Variants in NTRK1 observed in about 807,000 individuals in gnomAD.
NTRK1 encodes high affinity nerve growth factor receptor.
Under a neutral mutation model 86.8 loss-of-function variants are expected in NTRK1, and 62 were observed. The ratio of observed to expected loss-of-function variants is 0.71; its 90% CI spans 0.58 to 0.88. The LOEUF is 0.88. NTRK1 is among the 40% of genes least tolerant of loss of function. The pLI is 0.00. For synonymous variants in NTRK1, 469 were observed against 456.6 expected, an observed-to-expected ratio of 1.03 and a Z score of -0.35; for missense variants, 967 against 1,078.4, an observed-to-expected ratio of 0.90 and a Z score of 1.45.
intron 6 of NTRK1, among the ~76,000 whole-genome samples, chr1:156,870,016 G>A (rs1305420479): frequency 3.9e-5 from 6 of 152,206 alleles, no homozygotes; most frequent in African/African-American, 1.4e-4. Flanking sequence ...TGCCACTGGG[G>A]CGCTGAGCAG....
intron 1 of NTRK1, among the ~76,000 whole-genome samples, chr1:156,817,727 C>T (rs528907191): frequency 4.6e-5 from 7 of 151,140 alleles, no homozygotes; most frequent in Admixed American, 2.6e-4. Context: ...ACTGCAACTT[C>T]CGCCTCCCAG....
chr1:156,867,981 A>G (rs1388148466), intron 4 of NTRK1, 123 bp from the exon 5 acceptor site: 1 of 1,091,602 alleles, frequency 9.2e-7, no homozygotes, highest in African/African-American at 1.5e-5. Flanking sequence ...TCAGAGAGAA[A>G]GACCTCTGTG....
rs139555558 is a variant in NTRK1, at chr1:156,842,095, C to A, written c.-49C>A. ...CTACTTTTCAGGCCGCCCTCATCTG[C>A]CTGGCACCCTCTGTACCCCCGATCT... On this transcript the variant is annotated 5_prime_UTR_variant, in exon 2 of 17. Coordinates refer to the NTRK1 transcript ENST00000392302. The A allele has an allele frequency of 2.5e-6, 4 of 1,613,782 alleles. No homozygotes were observed. In the Admixed American group the frequency reaches 6.7e-5, roughly 27 times the overall value.
intron 3 of NTRK1, 29 bp from the exon 4 acceptor site, chr1:156,866,881 T>G (rs1287325397): frequency 2.5e-6 from 4 of 1,612,592 alleles, no homozygotes; most frequent in Admixed American, 1.7e-5. Flanking sequence ...ACTCAAGGGG[T>G]CTGTCTTGCT....
At chr1:156,844,515 A>G (rs1654916807) in intron 2 of NTRK1, 2 of 1,614,062 alleles carry the variant, frequency 1.2e-6, no homozygotes, top group African/African-American at 2.7e-5. Context: ...ATTGCCAGCC[A>G]GTGAGGTTGC....
At chr1:156,876,716 C>A in intron 14 of NTRK1, 144 bp downstream of exon 14, 1 of 1,019,454 alleles carries the variant, frequency 9.8e-7, no homozygotes, top group Non-Finnish European at 1.5e-6. Context: ...CCCCAGGGAG[C>A]TCTGAGATGG....
At chr1:156,851,334 A>G in intron 2 of NTRK1, 1 of 1,614,206 alleles carries the variant, frequency 6.2e-7, no homozygotes, top group South Asian at 1.1e-5. Flanking sequence ...GGTTCTTGAA[A>G]AAGCCCAGGG....
At chr1:156,841,792 A>C (rs1321225924) in intron 1 of NTRK1, 1 of 1,613,988 alleles carries the variant, frequency 6.2e-7, no homozygotes, top group African/African-American at 1.3e-5. Flanking sequence ...GTCATCCCGA[A>C]GTCTGGAAAG....
At chr1:156,878,260 C>T (rs1648040072) in intron 14 of NTRK1, among the ~76,000 whole-genome samples, 1 of 152,192 alleles carries the variant, frequency 6.6e-6, no homozygotes. Flanking sequence ...GACACACAAA[C>T]TCTACCCCTC....
At chr1:156,864,501 C>T in intron 2 of NTRK1, 73 bp downstream of exon 2, 1 of 1,504,488 alleles carries the variant, frequency 6.6e-7, no homozygotes, top group Non-Finnish European at 9.2e-7. Flanking sequence ...AGGGAGGGCT[C>T]AAGCATCCGA....
chr1:156,848,394 T>A (rs562187522), intron 2 of NTRK1, among the ~76,000 whole-genome samples: 1 of 152,350 alleles, frequency 6.6e-6, no homozygotes, highest in East Asian at 1.9e-4. Flanking sequence ...TCCTTTTGAT[T>A]CCTAACCGTG....
intron 1 of NTRK1, among the ~76,000 whole-genome samples, chr1:156,831,135 G>A (rs543029945): frequency 6.6e-6 from 1 of 152,322 alleles, no homozygotes; most frequent in East Asian, 1.9e-4. Flanking sequence ...TCAAGAGAGT[G>A]CAGTCTGGGG....
chr1:156,856,874 C>G (rs1197631720), upstream of NTRK1, among the ~76,000 whole-genome samples: 1 of 152,174 alleles, frequency 6.6e-6, no homozygotes, highest in Admixed American at 6.5e-5. Flanking sequence ...CCTGGACTCT[C>G]TTGCTCCCAA....
chr1:156,881,611 C>A lies in NTRK1; in HGVS notation c.2360C>A (p.Ala787Glu), dbSNP rs761207548. ...GCCCGGCTGCAAGCCCTGGCCCAGG[C>A]ACCTCCTGTCTACCTGGATGTCCTG... ...VHARLQALAQ[A>E]PPVYLDVLG The change falls in exon 17 of 17, where the codon GCA (alanine) becomes GAA (glutamate). Residue 787 changes from alanine (A) to glutamate (E), a missense_variant. Ala to Glu is a moderately radical substitution (Grantham distance 107, BLOSUM62 -1). Coordinates refer to ENST00000524377, the MANE Select transcript of NTRK1 (RefSeq NM_002529.4). 1 of 1,610,214 alleles carries A rather than the reference C, an allele frequency of 6.2e-7. No individual in the cohort carries two copies. Among genetic ancestry groups the A allele is most frequent in the Non-Finnish European group, 8.5e-7 (1 of 1,178,728 alleles).
rs769291949 is a variant in NTRK1, at chr1:156,880,073, G to C, written c.2121G>C (p.Glu707Asp). 9.3e-6 allele frequency: 15 copies of C among 1,613,564 alleles called. No homozygotes were observed. Among genetic ancestry groups the C allele is most frequent in the Middle Eastern group, 1.6e-4 (1 of 6,084 alleles). ...ESILYRKFTT[E>D]SDVWSFGVVL... ...TCCTGTACCGTAAGTTCACCACCGA[G>C]AGCGACGTGTGGAGCTTCGGCGTGG... is the stretch of plus-strand genomic sequence containing the variant. The change falls in exon 16 of 17, where the codon GAG becomes GAC. Residue 707 changes from glutamate (E) to aspartate (D), a missense_variant. By Grantham distance (45) the Glu-to-Asp change is conservative (BLOSUM62 2). This residue lies in a region of NTRK1 where 637 missense variants were observed against 776.5 expected (regional missense o/e 0.82). Coordinates refer to ENST00000524377, the MANE Select transcript of NTRK1 (RefSeq NM_002529.4).
At chr1:156,841,920 G>C in intron 1 of NTRK1, 2 of 1,565,034 alleles carry the variant, frequency 1.3e-6, no homozygotes, top group Non-Finnish European at 1.8e-6. Context: ...GAAAGTAGGG[G>C]CTCAATGGAC....
Position 156,875,630 on chromosome 1 carries a change from C to T in NTRK1, c.1465C>T (p.His489Tyr), listed in dbSNP as rs141404661. ...GGGCAAAGGCTCTGGGCTCCAAGGCCACATCATCGAGAACCCACAATACTT... is the reference window on the plus strand; with the variant it reads ...GGGCAAAGGCTCTGGGCTCCAAGGCTACATCATCGAGAACCCACAATACTT... ...TEGKGSGLQG[H>Y]IIENPQYFSD... The change falls in exon 12 of 17, where the codon CAC (histidine) becomes TAC (tyrosine). Residue 489 changes from histidine (H) to tyrosine (Y), a missense_variant. Around this residue, in one of 2 missense-constraint regions of NTRK1, gnomAD observed 637 missense variants for 776.5 expected, o/e 0.82. Transcript: ENST00000524377. The T allele has an allele frequency of 1.1e-5, 18 of 1,613,460 alleles. No individual in the cohort carries two copies. The African/African-American group carries it at 2.1e-4, about 19-fold the overall frequency.
At position 156,879,986 on chromosome 1, in the gene NTRK1, C is replaced by A. The variant is rs1430599428; in HGVS notation, c.2047-13C>A. Reference sequence around the variant, plus strand: ...GGCGCCCCTGGAATTGATGCAGTGTCCGCCCGTGGCAGGTGGGAGGCCGCA... The same window carrying A: ...GGCGCCCCTGGAATTGATGCAGTGTACGCCCGTGGCAGGTGGGAGGCCGCA... On this transcript the variant is annotated splice_polypyrimidine_tract_variant and intron_variant, in intron 15 of 16. Coordinates refer to ENST00000524377, the MANE Select transcript of NTRK1 (RefSeq NM_002529.4). 6 of 1,612,324 alleles carry A rather than the reference C, an allele frequency of 3.7e-6. No homozygotes were observed. The African/African-American group carries it at 5.3e-5, about 14-fold the overall frequency.
At chr1:156,872,969 G>A (rs573541884) in intron 7 of NTRK1, among the ~76,000 whole-genome samples, 6 of 151,746 alleles carry the variant, frequency 4.0e-5, no homozygotes, top group Admixed American at 2.6e-4. Context: ...GAGCCACCGC[G>A]CCTGGCCCAG....
Sources: gnomAD v4.1 joint callset for allele counts (sites outside exome capture counted in the v4.1 genomes callset) on GRCh38, gnomAD v4.1.1 for gene constraint, gnomAD v4.1.1 regional missense constraint, MANE v1.5 for transcripts, NCBI Gene and HGNC (gene_info 2026-07-23, HGNC 2026-07-21) for gene names.